Variants in TPGS2 observed in about 807,000 individuals in gnomAD.
The protein encoded by TPGS2 is tubulin polyglutamylase complex subunit 2.
Under a neutral mutation model 31.1 loss-of-function variants are expected in TPGS2, and 26 were observed. The ratio of observed to expected loss-of-function variants is 0.84; its 90% CI spans 0.61 to 1.16. The LOEUF (loss-of-function observed/expected upper bound fraction) is 1.16, where lower values mean the gene tolerates loss of function less well. Ranked by LOEUF, TPGS2 falls within the 50% of genes most tolerant of loss-of-function variation. TPGS2 has a pLI of 0.00. For missense variants in TPGS2, 351 were observed against 363.8 expected (o/e 0.96, Z 0.29); for synonymous variants, 130 against 136.6 (o/e 0.95, Z 0.34).
intron 4 of TPGS2, among the ~76,000 whole-genome samples, chr18:36,802,789 G>A (rs2044891321): frequency 6.6e-6 from 1 of 151,940 alleles, no homozygotes; most frequent in South Asian, 2.1e-4. Flanking sequence ...CACCACGCCT[G>A]GCTAATTTTT....
At chr18:36,817,796 C>T (rs994243552) in intron 2 of TPGS2, 1 of 152,174 alleles carries the variant, frequency 6.6e-6, no homozygotes, top group Admixed American at 6.5e-5. Context: ...TACCAATACC[C>T]ACCTTGCAGG....
chr18:36,784,249 C>T (rs1047126217), intron 6 of TPGS2, among the ~76,000 whole-genome samples: 1 of 152,212 alleles, frequency 6.6e-6, no homozygotes, highest in African/African-American at 2.4e-5. Context: ...CAAATGTGCA[C>T]CGCGCACCCG....
chr18:36,810,859 T>C (rs2045392047), intron 2 of TPGS2, among the ~76,000 whole-genome samples: 1 of 152,174 alleles, frequency 6.6e-6, no homozygotes, highest in Non-Finnish European at 1.5e-5. Flanking sequence ...AGAAAACCAA[T>C]AGCACTGGGC....
intron 2 of TPGS2, among the ~76,000 whole-genome samples, chr18:36,817,436 T>TG (rs1016622302): frequency 6.7e-6 from 1 of 149,800 alleles, no homozygotes; most frequent in African/African-American, 2.4e-5. Context: ...TTTCTTTCTT[T>TG]TTTTTTTTTT....
chr18:36,798,340 C>A, intron 6 of TPGS2, 109 bp downstream of exon 6: 6 of 1,559,000 alleles, frequency 3.8e-6, no homozygotes, highest in Non-Finnish European at 5.2e-6. Flanking sequence ...TGGGCCCCAC[C>A]CTAGATCTCC....
intron 5 of TPGS2, 126 bp from the exon 6 acceptor site, chr18:36,798,735 TA>T: frequency 2.8e-6 from 4 of 1,424,918 alleles, no homozygotes; most frequent in Middle Eastern, 2.5e-4. Flanking sequence ...AAATGTAAAG[TA>T]AAAGTTCCCC....
At chr18:36,790,720 T>C (rs2044281645), downstream of TPGS2, among the ~76,000 whole-genome samples, 1 of 152,248 alleles carries the variant, frequency 6.6e-6, no homozygotes, top group South Asian at 2.1e-4. Flanking sequence ...TATCTTTTCA[T>C]AATTTGCATA....
Position 36,828,694 on chromosome 18 carries a change from G to C in TPGS2, c.74C>G (p.Thr25Arg). ...PHLEKLTLGITRILESSPGVT... is the reference protein window; with the variant it reads ...PHLEKLTLGIRRILESSPGVT... The stretch of plus-strand genomic sequence containing the variant: ...CCCCCTTTCCTCACCTAGGATGCGC[G>C]TGATGCCCAGGGTCAGCTTCTCCAG... The change falls in exon 1 of 7, where the codon ACG (threonine) becomes AGG (arginine). Residue 25 changes from threonine to arginine, a missense_variant. By Grantham distance (71) the Thr-to-Arg change is moderately conservative. Transcript: ENST00000334295. 1 of 1,614,122 alleles carries C rather than the reference G, an allele frequency of 6.2e-7. No individual in the cohort carries two copies. The highest frequency in any genetic ancestry group is 8.5e-7 in the Non-Finnish European group (1 of 1,180,004).
Position 36,796,788 on chromosome 18 carries a change from G to T in TPGS2, c.*17C>A, listed in dbSNP as rs749696017. 10 of 1,588,472 alleles carry T rather than the reference G, an allele frequency of 6.3e-6. No homozygotes were observed. The South Asian group carries it at 1.2e-4, about 19-fold the overall frequency. Reference sequence around the variant, plus strand: ...ACCACCACTCTGGAGCTGGTAGGGAGTTGGAGGGAGGGGTGCTCACTTCCG... The same window carrying T: ...ACCACCACTCTGGAGCTGGTAGGGATTTGGAGGGAGGGGTGCTCACTTCCG... On this transcript the variant is annotated 3_prime_UTR_variant, in exon 7 of 7. Transcript: ENST00000334295.
At chr18:36,803,051 T>C (rs1312534606) in intron 4 of TPGS2, among the ~76,000 whole-genome samples, 1 of 152,202 alleles carries the variant, frequency 6.6e-6, no homozygotes, top group African/African-American at 2.4e-5. Flanking sequence ...ACACGCTATT[T>C]TAAGATGTAT....
At chr18:36,790,018 GCT>G (rs770414771), downstream of TPGS2, 2 of 152,204 alleles carry the variant, frequency 1.3e-5, no homozygotes, top group Non-Finnish European at 2.9e-5. Flanking sequence ...TCTACATTGT[GCT>G]CTGAGTCTTG....
rs1158179321 is a variant in TPGS2, at chr18:36,796,257, C to G, written c.*548G>C. ...TGAGGAAGAGCAGTATGAAAATATT[C>G]TAATGCAGTGCTGTCCAACAGAACT... On this transcript the variant is annotated 3_prime_UTR_variant, in exon 7 of 7. Coordinates refer to ENST00000334295, the MANE Select transcript of TPGS2 (RefSeq NM_015476.4). The G allele has an allele frequency of 2.0e-6, 2 of 985,346 alleles. No homozygotes were observed. The highest frequency in any genetic ancestry group is 1.2e-4 in the Admixed American group (2 of 16,270). The allele number at this position is 985,346 out of a possible 1,614,324, so 61.0% of individuals were successfully genotyped here. A position where few individuals can be genotyped will look rare whatever the true frequency, so the allele number is the denominator to read the frequency against.
chr18:36,822,413 G>C (rs959723436), intron 1 of TPGS2, among the ~76,000 whole-genome samples: 1 of 152,212 alleles, frequency 6.6e-6, no homozygotes, highest in East Asian at 1.9e-4. Flanking sequence ...TCTGAGTCCT[G>C]TGAGTCCTTG....
downstream of TPGS2, among the ~76,000 whole-genome samples, chr18:36,781,252 T>C (rs939364716): frequency 3.9e-5 from 6 of 152,202 alleles, no homozygotes; most frequent in African/African-American, 1.4e-4. Flanking sequence ...CATGGTTCCC[T>C]GTGAGGAACC....
At chr18:36,808,637 C>CA (rs971118213) in intron 2 of TPGS2, among the ~76,000 whole-genome samples, 80 of 141,486 alleles carry the variant, frequency 5.7e-4, no homozygotes, top group African/African-American at 1.1e-3. Flanking sequence ...GACTCCATCT[C>CA]AAAAAAAAAA....
At position 36,828,019 on chromosome 18, in the gene TPGS2, C is replaced by G. The variant is rs558970841; in HGVS notation, c.85+664G>C. On this transcript the variant is annotated intron_variant, in intron 1 of 6. Coordinates refer to ENST00000334295, the MANE Select transcript of TPGS2 (RefSeq NM_015476.4). ...GTCAGGAGTTCGAGACCAGCCTGGC[C>G]AACATGGTGGAACCCTGTCTCTACT... Among the ~76,000 whole-genome samples the G allele has an allele frequency of 3.3e-5, 5 of 152,058 alleles. No individual in the cohort carries two copies. In the East Asian group the frequency reaches 9.7e-4, roughly 30 times the overall value.
chr18:36,828,815 A>T lies in TPGS2; in HGVS notation c.-48T>A. ...GCGGCGGGAGCGGGTGGAGGGCCGG[A>T]CCCCGCCTCAGCGCCGAGGCCAATT... On this transcript the variant is annotated 5_prime_UTR_variant, in exon 1 of 7. Transcript: ENST00000334295. The T allele has an allele frequency of 1.9e-6, 3 of 1,595,782 alleles. No homozygotes were observed. The highest frequency in any genetic ancestry group is 2.6e-6 in the Non-Finnish European group (3 of 1,169,388).
At position 36,794,484 on chromosome 18, in the gene TPGS2, T is replaced by G; in HGVS notation, c.*2321A>C. The G allele has an allele frequency of 4.1e-6, 4 of 985,444 alleles. No homozygotes were observed. The highest frequency in any genetic ancestry group is 4.8e-6 in the Non-Finnish European group (4 of 829,952). The allele number at this position is 985,444 out of a possible 1,614,324, so 61.0% of individuals were successfully genotyped here. A position where few individuals can be genotyped will look rare whatever the true frequency, so the allele number is the denominator to read the frequency against. On this transcript the variant is annotated 3_prime_UTR_variant, in exon 7 of 7. Transcript: ENST00000334295. ...GTGGAATCCAGGGCTGATTTAGAAA[T>G]GCTGTGATTCGGGGGATCTCCAAGT...
At chr18:36,816,098 C>G (rs1214309085) in intron 2 of TPGS2, among the ~76,000 whole-genome samples, 1 of 152,216 alleles carries the variant, frequency 6.6e-6, no homozygotes, top group African/African-American at 2.4e-5. Flanking sequence ...TAGGTACCTT[C>G]ACAAGTATTC....
Sources: gnomAD v4.1 joint callset for allele counts (sites outside exome capture counted in the v4.1 genomes callset) on GRCh38, gnomAD v4.1.1 for gene constraint, MANE v1.5 for transcripts, NCBI Gene and HGNC (gene_info 2026-07-23, HGNC 2026-07-21) for gene names.